Variants in PUDP observed in about 807,000 individuals in gnomAD.
The protein encoded by PUDP is pseudouridine-5'-phosphatase.
Under a neutral mutation model 9.4 loss-of-function variants are expected in PUDP, and 8 were observed. The ratio of observed to expected loss-of-function variants is 0.85; its 90% CI spans 0.50 to 1.53. The LOEUF (loss-of-function observed/expected upper bound fraction) is 1.53. Among genes scored for constraint, PUDP ranks in the 40% most tolerant of loss-of-function variants. The pLI is 0.00. For synonymous variants in PUDP, 99 were observed against 80.7 expected (o/e 1.23, Z -1.22); for missense variants, 188 against 189.7 (o/e 0.99, Z 0.05).
chrX:6,798,546 G>T (rs933101530), intron 3 of PUDP, among the ~76,000 whole-genome samples: 1 of 111,494 alleles, frequency 9.0e-6, no homozygotes, highest in African/African-American at 3.3e-5. Context: ...AATTAAGGGG[G>T]AAAATGATGC....
At chrX:7,139,636 C>T (rs1125438) in intron 1 of PUDP, among the ~76,000 whole-genome samples, 27,429 of 111,246 alleles carry the variant, frequency 0.25, 2,643 homozygotes, top group Admixed American at 0.41. Flanking sequence ...ACCATTTGCT[C>T]TTACTTCATA....
chrX:6,925,792 C>T (rs1569124527), intron 3 of PUDP, among the ~76,000 whole-genome samples: 1 of 111,561 alleles, frequency 9.0e-6, no homozygotes, highest in Non-Finnish European at 1.9e-5. Flanking sequence ...TAATTTGCAG[C>T]TGGGTAAAGC....
At chrX:6,742,692 G>GT (rs747544283) in intron 3 of PUDP, among the ~76,000 whole-genome samples, 72 of 111,932 alleles carry the variant, frequency 6.4e-4, no homozygotes, top group Non-Finnish European at 1.1e-3. Context: ...GGAGGATCGT[G>GT]TAAGACCAGG....
intron 1 of PUDP, among the ~76,000 whole-genome samples, chrX:7,028,680 G>C (rs1430415935): frequency 8.9e-6 from 1 of 112,021 alleles, no homozygotes; most frequent in African/African-American, 3.2e-5. Flanking sequence ...GCCACCAGAT[G>C]AAATGGGTAA....
chrX:6,867,137 T>C (rs1927099062), intron 3 of PUDP, among the ~76,000 whole-genome samples: 1 of 111,658 alleles, frequency 9.0e-6, no homozygotes, highest in Non-Finnish European at 1.9e-5. Flanking sequence ...CATTTTCCAA[T>C]TGCTGAGAGC....
intron 3 of PUDP, among the ~76,000 whole-genome samples, chrX:6,933,857 C>T (rs1225030274): frequency 9.0e-6 from 1 of 111,026 alleles, no homozygotes; most frequent in Non-Finnish European, 1.9e-5. Flanking sequence ...GGAGCCGATG[C>T]GATCAACTGC....
At chrX:6,916,497 G>A (rs1159217344) in intron 3 of PUDP, among the ~76,000 whole-genome samples, 1 of 109,206 alleles carries the variant, frequency 9.2e-6, no homozygotes, top group African/African-American at 3.3e-5. Context: ...AAATTAATGG[G>A]TTGATTCTCT....
At chrX:6,868,226 CAA>C (rs760348093) in intron 3 of PUDP, among the ~76,000 whole-genome samples, 2 of 111,730 alleles carry the variant, frequency 1.8e-5, no homozygotes, top group South Asian at 7.5e-4. Context: ...ACACTAAAGA[CAA>C]AGTGGAAAAT....
chrX:6,953,484 A>G (rs1471413307), intron 3 of PUDP, among the ~76,000 whole-genome samples: 1 of 62,229 alleles, frequency 1.6e-5, no homozygotes, highest in African/African-American at 4.5e-5. Flanking sequence ...TTAATACACC[A>G]CTTTTTTTTT....
upstream of PUDP, among the ~76,000 whole-genome samples, chrX:6,726,056 A>C (rs779894294): frequency 6.8e-4 from 76 of 111,486 alleles, no homozygotes; most frequent in Admixed American, 2.0e-3. Context: ...CAAATCTCTC[A>C]CCTTTCAGAG....
At chrX:6,933,185 C>A (rs1928230854) in intron 3 of PUDP, among the ~76,000 whole-genome samples, 1 of 75,482 alleles carries the variant, frequency 1.3e-5, no homozygotes, top group African/African-American at 4.2e-5. Context: ...GGTCCCTGAC[C>A]CCTGACCCCT....
At chrX:6,945,712 A>G (rs1159798740) in intron 3 of PUDP, among the ~76,000 whole-genome samples, 1 of 112,010 alleles carries the variant, frequency 8.9e-6, no homozygotes, top group Non-Finnish European at 1.9e-5. Context: ...CATAAATTGA[A>G]AAAAAAGAAA....
intron 3 of PUDP, among the ~76,000 whole-genome samples, chrX:6,760,600 G>A (rs947546082): frequency 1.8e-5 from 2 of 112,025 alleles, no homozygotes; most frequent in Non-Finnish European, 1.9e-5. Context: ...AGTCAGGAAA[G>A]ACACCTTCTG....
chrX:6,871,985 T>C (rs781754707), intron 3 of PUDP, among the ~76,000 whole-genome samples: 2 of 112,012 alleles, frequency 1.8e-5, no homozygotes, highest in South Asian at 7.5e-4. Context: ...ACCTGCTTCC[T>C]GGTTCATAGA....
At chrX:6,730,266 G>A (rs1159999397) in intron 3 of PUDP, among the ~76,000 whole-genome samples, 3 of 112,187 alleles carry the variant, frequency 2.7e-5, no homozygotes, top group Non-Finnish European at 3.8e-5. Context: ...ATGATCGCCT[G>A]GCTGAGGCCA....
At chrX:6,961,273 C>T in intron 3 of PUDP, among the ~76,000 whole-genome samples, 1 of 110,528 alleles carries the variant, frequency 9.0e-6, no homozygotes, top group Non-Finnish European at 1.9e-5. Flanking sequence ...GTAGTCCCAG[C>T]TGCTTGGGAG....
At chrX:6,947,265 G>C (rs1482938946) in intron 3 of PUDP, among the ~76,000 whole-genome samples, 1 of 110,666 alleles carries the variant, frequency 9.0e-6, no homozygotes, top group Non-Finnish European at 1.9e-5. Flanking sequence ...CATCCACCTC[G>C]GCCCCCCAAA....
intron 1 of PUDP, among the ~76,000 whole-genome samples, chrX:7,030,617 A>T (rs1929779947): frequency 9.0e-6 from 1 of 111,297 alleles, no homozygotes; most frequent in African/African-American, 3.3e-5. Context: ...TAGCCTGGGA[A>T]CAGTTCTGGC....
chrX:6,730,426 A>G (rs12560013), intron 3 of PUDP, among the ~76,000 whole-genome samples: 22,101 of 111,666 alleles, frequency 0.2, 1,940 homozygotes, highest in East Asian at 0.49. Context: ...GCCATTACAC[A>G]ATCACAAAAC....
Sources: allele counts gnomAD v4.1 joint callset (sites outside exome capture counted in the v4.1 genomes callset), GRCh38; gene constraint gnomAD v4.1.1; transcripts MANE v1.5; gene names NCBI Gene and HGNC (gene_info 2026-07-23, HGNC 2026-07-21).